Variants in ARHGAP24 observed in about 807,000 individuals in gnomAD.
ARHGAP24 encodes rho GTPase-activating protein 24.
Under a neutral mutation model 76.4 loss-of-function variants are expected in ARHGAP24, and 50 were observed. The observed-to-expected ratio is 0.65, with a 90% confidence interval of 0.52 to 0.83. ARHGAP24 has a LOEUF of 0.83. Among genes scored for constraint, ARHGAP24 ranks in the 40% least tolerant of loss-of-function variants. The pLI is 0.00. For missense variants in ARHGAP24, 930 were observed against 914.2 expected (o/e 1.02, Z -0.22); for synonymous variants, 345 against 323.3 (o/e 1.07, Z -0.72).
At chr4:85,654,690 T>C (rs1015971737) in intron 2 of ARHGAP24, among the ~76,000 whole-genome samples, 3 of 147,724 alleles carry the variant, frequency 2.0e-5, no homozygotes, top group Non-Finnish European at 4.4e-5. Context: ...ATGTAACTGA[T>C]AGAAGCCTGT....
chr4:85,574,179 T>C (rs1320300827), intron 2 of ARHGAP24, among the ~76,000 whole-genome samples: 1 of 152,254 alleles, frequency 6.6e-6, no homozygotes, highest in Non-Finnish European at 1.5e-5. Flanking sequence ...GTTAAAGTTC[T>C]TAATTTATTA....
Position 85,751,792 on chromosome 4 carries a change from G to C in ARHGAP24, c.268+29820G>C, listed in dbSNP as rs558449448. 3.3e-5 allele frequency among the ~76,000 whole-genome samples: 5 copies of C among 152,260 alleles called. No homozygotes were observed. The South Asian group carries it at 1.0e-3, about 32-fold the overall frequency. ...TTATAGGAATTAGGTAGTTGAAAAG[G>C]GGAGAGGAAGAAATATGGACCTGGA... On this transcript the variant is annotated intron_variant, in intron 3 of 9. Coordinates refer to ENST00000395184, the MANE Select transcript of ARHGAP24 (RefSeq NM_001025616.3).
intron 5 of ARHGAP24, among the ~76,000 whole-genome samples, chr4:85,965,436 G>A (rs768649376): frequency 6.6e-6 from 1 of 152,062 alleles, no homozygotes; most frequent in Non-Finnish European, 1.5e-5. Context: ...AATCATATCA[G>A]GCACTATGTC....
chr4:85,784,690 G>A (rs575724105), intron 3 of ARHGAP24, among the ~76,000 whole-genome samples: 1 of 152,018 alleles, frequency 6.6e-6, no homozygotes, highest in South Asian at 2.1e-4. Context: ...AGTCAAACTA[G>A]CCTTCCATCT....
At chr4:85,612,719 ATACAGTATTTTTGTAAAGAAAGAAAATGT>A (rs1039614979) in intron 2 of ARHGAP24, among the ~76,000 whole-genome samples, 10 of 151,208 alleles carry the variant, frequency 6.6e-5, no homozygotes, top group Non-Finnish European at 1.3e-4. Flanking sequence ...ATATTTTTTC[ATACAGTATTTTTGTAAAGAAAGAAAATGT>A]TACAGATACA....
chr4:85,567,640 G>T (rs1726899770), intron 1 of ARHGAP24, among the ~76,000 whole-genome samples: 1 of 151,910 alleles, frequency 6.6e-6, no homozygotes, highest in Admixed American at 6.6e-5. Context: ...GCCAGACATC[G>T]TACTGAGTAG....
intron 2 of ARHGAP24, among the ~76,000 whole-genome samples, chr4:85,703,409 A>G (rs1177653555): frequency 6.6e-6 from 1 of 151,964 alleles, no homozygotes; most frequent in African/African-American, 2.4e-5. Flanking sequence ...GCAGTGGGCA[A>G]CCCTCTTCTA....
intron 7 of ARHGAP24, among the ~76,000 whole-genome samples, chr4:85,977,235 A>G (rs1268552605): frequency 6.6e-6 from 1 of 152,154 alleles, no homozygotes; most frequent in African/African-American, 2.4e-5. Flanking sequence ...ATATAAAATT[A>G]TTACTTTATT....
intron 3 of ARHGAP24, among the ~76,000 whole-genome samples, chr4:85,791,258 T>A (rs1217323347): frequency 6.6e-6 from 1 of 152,210 alleles, no homozygotes; most frequent in Non-Finnish European, 1.5e-5. Context: ...TTTTTCAGAA[T>A]GAACTTATCA....
intron 3 of ARHGAP24, among the ~76,000 whole-genome samples, chr4:85,835,213 C>T (rs374154321): frequency 1.1e-4 from 16 of 151,388 alleles, no homozygotes; most frequent in South Asian, 6.3e-4. Flanking sequence ...TTTTTCTCTT[C>T]TTGTATTCAT....
At chr4:85,750,000 A>G (rs1390089955) in intron 3 of ARHGAP24, among the ~76,000 whole-genome samples, 1 of 151,978 alleles carries the variant, frequency 6.6e-6, no homozygotes, top group Non-Finnish European at 1.5e-5. Context: ...TCATGCATCC[A>G]TCCATGACTG....
At position 85,591,693 on chromosome 4, in the gene ARHGAP24, T is replaced by A. The variant is rs540417852; in HGVS notation, c.180+20972T>A. Among the ~76,000 whole-genome samples the A allele has an allele frequency of 1.1e-4, 16 of 152,268 alleles. No individual in the cohort carries two copies. In the East Asian group the frequency reaches 2.7e-3, roughly 26 times the overall value. On this transcript the variant is annotated intron_variant, in intron 2 of 9. Coordinates refer to ENST00000395184, the MANE Select transcript of ARHGAP24 (RefSeq NM_001025616.3). ...TATAAATTGCAGCGGCTCAAGATTA[T>A]CCCTGTAATACTCACGTGCACTCTG...
At chr4:85,678,259 A>G (rs1723062478) in intron 2 of ARHGAP24, among the ~76,000 whole-genome samples, 1 of 152,016 alleles carries the variant, frequency 6.6e-6, no homozygotes, top group Non-Finnish European at 1.5e-5. Context: ...AGTCCCAGCT[A>G]CTCAGGAGAC....
intron 1 of ARHGAP24, among the ~76,000 whole-genome samples, chr4:85,523,879 C>T (rs1724880927): frequency 6.6e-6 from 1 of 151,510 alleles, no homozygotes; most frequent in African/African-American, 2.4e-5. Flanking sequence ...GATTTCTTTA[C>T]AACGGAGTTA....
intron 3 of ARHGAP24, among the ~76,000 whole-genome samples, chr4:85,915,596 G>C (rs1406639520): frequency 6.8e-6 from 1 of 146,920 alleles, no homozygotes; most frequent in Non-Finnish European, 1.5e-5. Context: ...ATAAGCCCCA[G>C]TGTGTGATAT....
intron 4 of ARHGAP24, among the ~76,000 whole-genome samples, chr4:85,939,309 G>T (rs1736822715): frequency 1.3e-5 from 2 of 152,214 alleles, no homozygotes; most frequent in Middle Eastern, 6.8e-3. Context: ...AGAAAATGAG[G>T]ACTCATGACT....
intron 3 of ARHGAP24, among the ~76,000 whole-genome samples, chr4:85,912,438 T>C (rs778330765): frequency 3.3e-5 from 5 of 152,150 alleles, no homozygotes; most frequent in Non-Finnish European, 7.4e-5. Context: ...TGCAAACCAA[T>C]TGTAATTGCT....
At chr4:85,829,558 A>G (rs1473434501) in intron 3 of ARHGAP24, among the ~76,000 whole-genome samples, 1 of 152,212 alleles carries the variant, frequency 6.6e-6, no homozygotes, top group East Asian at 1.9e-4. Context: ...AGTTAAGAAA[A>G]AGTTTCATTT....
At chr4:85,519,706 T>C (rs928793807) in intron 1 of ARHGAP24, among the ~76,000 whole-genome samples, 1 of 152,194 alleles carries the variant, frequency 6.6e-6, no homozygotes, top group African/African-American at 2.4e-5. Flanking sequence ...TATTCGTTTC[T>C]GAAGAGAATG....
Sources: allele counts gnomAD v4.1 joint callset (sites outside exome capture counted in the v4.1 genomes callset), GRCh38; gene constraint gnomAD v4.1.1; transcripts MANE v1.5; gene names NCBI Gene and HGNC (gene_info 2026-07-23, HGNC 2026-07-21).